The following TENM2 variants were observed in gnomAD, a reference collection of about 807,000 sequenced individuals.
The protein encoded by TENM2 is teneurin transmembrane protein 2, also known as teneurin-2.
TENM2 carries 52 observed loss-of-function variants against 245.2 expected under a neutral mutation model. That is an observed-to-expected ratio of 0.21 (90% CI 0.17 to 0.27). The LOEUF is 0.27. Ranked by LOEUF, TENM2 falls within the 10% of genes least tolerant of loss-of-function variation. TENM2 has a pLI of 1.00. For synonymous variants in TENM2, 1,363 were observed against 1,438.9 expected, an observed-to-expected ratio of 0.95 and a Z score of 1.19; for missense variants, 3,046 against 3,666.8, an observed-to-expected ratio of 0.83 and a Z score of 4.37.
rs1030491917 is a variant in TENM2 at position 167,911,789 on chromosome 5, A to G, written c.712+35594A>G. On this transcript the variant is annotated intron_variant, in intron 3 of 28. Coordinates refer to ENST00000518659, the Ensembl canonical transcript of TENM2. Reference sequence around the variant, plus strand: ...TCCAAGGGCACTACCAGACTACAGAAATACGTACAACTGGGGATGGTGGCT... The same window carrying G: ...TCCAAGGGCACTACCAGACTACAGAGATACGTACAACTGGGGATGGTGGCT... Among the ~76,000 whole-genome samples the G allele has an allele frequency of 2.0e-5, 3 of 152,180 alleles. No individual in the cohort carries two copies. In the South Asian group the frequency reaches 6.2e-4, roughly 32 times the overall value.
At chr5:167,018,230 A>G in the TENM2 span, among the ~76,000 whole-genome samples, 1 of 152,312 alleles carries the variant, frequency 6.6e-6, no homozygotes, top group African/African-American at 2.4e-5. Flanking sequence ...TTGTTACTCC[A>G]AAAGTAAAAT....
intron 13 of TENM2, among the ~76,000 whole-genome samples, chr5:168,188,919 T>G (rs984263020): frequency 6.6e-6 from 1 of 152,162 alleles, no homozygotes; most frequent in Admixed American, 6.5e-5. Flanking sequence ...TTTGGGCTGC[T>G]ACAACAAAAA....
the TENM2 span, among the ~76,000 whole-genome samples, chr5:167,256,647 T>C: frequency 6.6e-6 from 1 of 152,148 alleles, no homozygotes. Context: ...CCATTCCCTT[T>C]CTGCCATAAT....
the TENM2 span, among the ~76,000 whole-genome samples, chr5:167,235,432 G>T: frequency 1.3e-5 from 2 of 151,944 alleles, no homozygotes; most frequent in Non-Finnish European, 2.9e-5. Context: ...CCACAATTAC[G>T]AGTCCTTTAA....
intron 2 of TENM2, among the ~76,000 whole-genome samples, chr5:167,689,420 A>G (rs1224588321): frequency 6.6e-6 from 1 of 152,228 alleles, no homozygotes; most frequent in Non-Finnish European, 1.5e-5. Flanking sequence ...GTACACACAC[A>G]GTAGTGGATC....
At chr5:167,550,515 A>T (rs1772856827) in intron 2 of TENM2, among the ~76,000 whole-genome samples, 1 of 152,158 alleles carries the variant, frequency 6.6e-6, no homozygotes, top group Admixed American at 6.5e-5. Flanking sequence ...TTATGCAGAC[A>T]TCTTCGCACA....
At chr5:167,605,666 G>A (rs575985085) in intron 2 of TENM2, among the ~76,000 whole-genome samples, 7 of 152,276 alleles carry the variant, frequency 4.6e-5, no homozygotes, top group African/African-American at 1.7e-4. Context: ...TCTGTAATGG[G>A]AACTCAATTT....
intron 12 of TENM2, among the ~76,000 whole-genome samples, chr5:168,143,011 T>C (rs530713325): frequency 6.6e-6 from 1 of 152,326 alleles, no homozygotes; most frequent in African/African-American, 2.4e-5. Context: ...ATGAATCCAC[T>C]GTAAGTTAGC....
At chr5:167,110,104 G>T in the TENM2 span, among the ~76,000 whole-genome samples, 1 of 152,190 alleles carries the variant, frequency 6.6e-6, no homozygotes, top group Non-Finnish European at 1.5e-5. Context: ...GGGTGCAGGG[G>T]TGGGGAGGCC....
At chr5:167,038,270 A>C in the TENM2 span, among the ~76,000 whole-genome samples, 1 of 152,212 alleles carries the variant, frequency 6.6e-6, no homozygotes, top group Admixed American at 6.5e-5. Context: ...TAGTCACACG[A>C]GGTCTTTTGT....
the TENM2 span, among the ~76,000 whole-genome samples, chr5:167,026,732 A>G: frequency 1.3e-5 from 2 of 152,254 alleles, no homozygotes; most frequent in African/African-American, 4.8e-5. Context: ...ATGTGAGATA[A>G]TGAATATCCT....
chr5:167,792,553 C>T (rs1171838146), intron 2 of TENM2, among the ~76,000 whole-genome samples: 3 of 151,920 alleles, frequency 2.0e-5, no homozygotes, highest in African/African-American at 7.3e-5. Flanking sequence ...GTGTTCTGTC[C>T]ACCTCACTGA....
chr5:167,295,301 C>G (rs769291895), intron 1 of TENM2, among the ~76,000 whole-genome samples: 2 of 152,232 alleles, frequency 1.3e-5, no homozygotes, highest in Non-Finnish European at 1.5e-5. Context: ...TACTCTGACA[C>G]TAGCATGTTG....
the TENM2 span, among the ~76,000 whole-genome samples, chr5:167,268,023 G>A: frequency 2.1e-3 from 319 of 149,642 alleles, 1 homozygote; most frequent in Non-Finnish European, 3.6e-3. Flanking sequence ...GCCAGTGTGG[G>A]TATGAGCTTC....
chr5:167,866,316 T>C (rs2151315844), intron 2 of TENM2, among the ~76,000 whole-genome samples: 1 of 152,140 alleles, frequency 6.6e-6, no homozygotes, highest in African/African-American at 2.4e-5. Context: ...CTGGCCAACA[T>C]AGTGAAACTT....
intron 27 of TENM2, 62 bp from the exon 30 acceptor site, chr5:168,260,221 C>CTT (rs1768057864): frequency 6.3e-7 from 1 of 1,588,392 alleles, no homozygotes; most frequent in Admixed American, 1.7e-5. Flanking sequence ...TCTCTTTAAG[C>CTT]TCTGCTGCTG....
chr5:167,698,691 T>TTG (rs1554102374), intron 2 of TENM2, among the ~76,000 whole-genome samples: 9 of 146,316 alleles, frequency 6.2e-5, no homozygotes, highest in East Asian at 5.9e-4. Flanking sequence ...TTTTTTTTTT[T>TTG]TTTTTTTTTT....
At chr5:167,037,444 TG>T in the TENM2 span, among the ~76,000 whole-genome samples, 1 of 152,254 alleles carries the variant, frequency 6.6e-6, no homozygotes, top group African/African-American at 2.4e-5. Context: ...TGGAGATTTT[TG>T]TTTCTTAACT....
chr5:168,136,294 G>A (rs1007604106), intron 12 of TENM2, among the ~76,000 whole-genome samples: 2 of 152,124 alleles, frequency 1.3e-5, no homozygotes, highest in Non-Finnish European at 2.9e-5. Flanking sequence ...CATCCCAACT[G>A]CAAAGCTCAC....
Sources: gnomAD v4.1 joint callset for allele counts (sites outside exome capture counted in the v4.1 genomes callset) on GRCh38, gnomAD v4.1.1 for gene constraint, MANE v1.5 for transcripts, NCBI Gene and HGNC (gene_info 2026-07-23, HGNC 2026-07-21) for gene names.